SLC22A25: variants seen among roughly 807,000 people sequenced by gnomAD.
SLC22A25 encodes MGI:2442751, MGI:2385316, MGI:3042283, MGI:3645714, MGI:3605624, MGI:2442750.
A neutral mutation model predicts 45.9 loss-of-function variants in SLC22A25; 44 were observed. The ratio of observed to expected loss-of-function variants is 0.96; its 90% confidence interval spans 0.75 to 1.23. SLC22A25 has a LOEUF of 1.23. SLC22A25 is among the 50% of genes most tolerant of loss of function. The pLI, the probability that SLC22A25 is intolerant of heterozygous loss-of-function variation, is 0.00. For missense variants in SLC22A25, 800 were observed against 666.4 expected (o/e 1.20, Z -2.21); for synonymous variants, 283 against 238.6 (o/e 1.19, Z -1.72).
intron 7 of SLC22A25, among the ~76,000 whole-genome samples, chr11:63,214,225 A>G (rs2089652763): frequency 6.6e-6 from 1 of 152,172 alleles, no homozygotes; most frequent in Non-Finnish European, 1.5e-5. Context: ...GTTTGTTAGG[A>G]GTATACAGTC....
chr11:63,194,104 A>C (rs1188913393), intron 7 of SLC22A25, among the ~76,000 whole-genome samples: 2 of 152,234 alleles, frequency 1.3e-5, no homozygotes, highest in Admixed American at 1.3e-4. Flanking sequence ...TGAGAAGAGA[A>C]GTTTAGAGAA....
chr11:63,210,425 G>A (rs1216831970), intron 7 of SLC22A25, among the ~76,000 whole-genome samples: 1 of 152,166 alleles, frequency 6.6e-6, no homozygotes, highest in African/African-American at 2.4e-5. Context: ...AGGAGAGGAA[G>A]GCCAGTCTTG....
At chr11:63,202,876 C>A (rs2089290363) in intron 7 of SLC22A25, among the ~76,000 whole-genome samples, 1 of 152,242 alleles carries the variant, frequency 6.6e-6, no homozygotes, top group Admixed American at 6.5e-5. Flanking sequence ...CACTTCCCAG[C>A]AGGGGTTGAC....
intron 1 of SLC22A25, among the ~76,000 whole-genome samples, chr11:63,240,239 A>G (rs1014006344): frequency 6.6e-6 from 1 of 152,208 alleles, no homozygotes; most frequent in African/African-American, 2.4e-5. Flanking sequence ...TTTGCCAAGC[A>G]TGGATCTTGC....
At chr11:63,172,770 G>A (rs1429962058) in intron 9 of SLC22A25, among the ~76,000 whole-genome samples, 1 of 151,770 alleles carries the variant, frequency 6.6e-6, no homozygotes, top group East Asian at 1.9e-4. Flanking sequence ...ACTGTTGGTG[G>A]GAGTGTAAAT....
At position 63,163,734 on chromosome 11, in the gene SLC22A25, A is replaced by AAAGT. The variant is rs1418628740; in HGVS notation, c.*89_*90insACTT. 2 of 1,508,762 alleles carry AAAGT rather than the reference A, an allele frequency of 1.3e-6. No individual in the cohort carries two copies. The highest frequency in any genetic ancestry group is 1.8e-6 in the Non-Finnish European group (2 of 1,128,444). 93.5% of individuals were successfully genotyped at this position (1,508,762 alleles called of 1,614,324 possible). On this transcript the variant is annotated 3_prime_UTR_variant, in exon 12 of 12. Coordinates refer to ENST00000306494, the MANE Select transcript of SLC22A25 (RefSeq NM_199352.6). ...GAAGGGATGAGGATACACCAAAGGC[A>AAAGT]AAGGCACTGACTACATGGGAATAGC... is the stretch of plus-strand genomic sequence containing the variant.
chr11:63,186,536 C>T (rs2088556030), intron 7 of SLC22A25, among the ~76,000 whole-genome samples: 1 of 151,962 alleles, frequency 6.6e-6, no homozygotes, highest in African/African-American at 2.4e-5. Context: ...TGTGCAGAAG[C>T]TCTTTAGTTT....
rs2089752381 is a variant in SLC22A25, at chr11:63,217,689, T to C, written c.553A>G (p.Ile185Val). ...VLRWSYLQLA[I>V]VGTCAAFAPT... The stretch of plus-strand genomic sequence containing the variant: ...GCAAAGGCCGCACAGGTGCCTACAA[T>C]GGCGAGCTGGAGGTAAGACCATCTG... Residue 185 changes from isoleucine to valine, a missense_variant, in exon 6 of 12, where the codon ATT becomes GTT. Ile to Val is a conservative substitution (Grantham distance 29). Transcript: ENST00000306494. 7 of 1,613,802 alleles carry C rather than the reference T, an allele frequency of 4.3e-6. No homozygotes were observed. Among genetic ancestry groups the C allele is most frequent in the Non-Finnish European group, 5.9e-6 (7 of 1,179,944 alleles).
chr11:63,220,303 G>C (rs564229177), intron 5 of SLC22A25, among the ~76,000 whole-genome samples: 1 of 152,278 alleles, frequency 6.6e-6, no homozygotes, highest in South Asian at 2.1e-4. Context: ...CCAGGCACAA[G>C]CCATCAGCAC....
chr11:63,212,956 G>A (rs1002465489), intron 7 of SLC22A25, among the ~76,000 whole-genome samples: 2 of 152,188 alleles, frequency 1.3e-5, no homozygotes, highest in African/African-American at 2.4e-5. Flanking sequence ...AAGGAATAGA[G>A]AGGCTTCTTC....
intron 7 of SLC22A25, among the ~76,000 whole-genome samples, chr11:63,196,652 C>A (rs1487257427): frequency 1.3e-5 from 2 of 152,146 alleles, no homozygotes. Context: ...CAATATCATA[C>A]TGAATGGGCA....
chr11:63,229,641 C>G lies in SLC22A25; in HGVS notation c.12G>C (p.Gln4His). ...GGCCTCCAACTTGATCTAGGAGGTC[C>G]TGAAAGGCCATTGAGGCTGGACAAG... MAFQDLLDQVGGLG... is the reference protein window; with the variant it reads MAFHDLLDQVGGLG... The change falls in exon 4 of 12, where the codon CAG becomes CAC. Residue 4 changes from glutamine (Q) to histidine (H), a missense_variant. By Grantham distance (24) the Gln-to-His change is conservative. Coordinates refer to ENST00000306494, the MANE Select transcript of SLC22A25 (RefSeq NM_199352.6). 1.2e-6 allele frequency: 2 copies of G among 1,601,212 alleles called. No individual in the cohort carries two copies. Among genetic ancestry groups the G allele is most frequent in the Non-Finnish European group, 1.7e-6 (2 of 1,169,274 alleles).
intron 5 of SLC22A25, among the ~76,000 whole-genome samples, chr11:63,222,123 G>A (rs1028765950): frequency 3.3e-5 from 5 of 152,024 alleles, no homozygotes; most frequent in African/African-American, 1.2e-4. Context: ...GTCTTTTGTG[G>A]TTTCATATAT....
chr11:63,214,406 A>T (rs192858170), intron 7 of SLC22A25, among the ~76,000 whole-genome samples: 1 of 152,356 alleles, frequency 6.6e-6, no homozygotes, highest in East Asian at 1.9e-4. Context: ...TGGAACAGGA[A>T]TTAAAAGAAA....
chr11:63,228,426 AC>A, intron 5 of SLC22A25, 34 bp downstream of exon 5: 1 of 1,428,846 alleles, frequency 7.0e-7, no homozygotes, highest in East Asian at 2.3e-5. Flanking sequence ...TGATGAAAAT[AC>A]CCTTGAAGAG....
intron 7 of SLC22A25, among the ~76,000 whole-genome samples, chr11:63,189,050 T>C (rs2088683765): frequency 6.6e-6 from 1 of 152,228 alleles, no homozygotes; most frequent in South Asian, 2.1e-4. Context: ...GTTCTGTAGA[T>C]GTCTATTAGG....
chr11:63,193,773 C>T (rs938839241), intron 7 of SLC22A25, among the ~76,000 whole-genome samples: 1 of 152,194 alleles, frequency 6.6e-6, no homozygotes, highest in African/African-American at 2.4e-5. Context: ...AGGACTGCAG[C>T]TCCCTGCCAG....
chr11:63,189,859 G>C (rs911845761), intron 7 of SLC22A25, among the ~76,000 whole-genome samples: 1 of 152,052 alleles, frequency 6.6e-6, no homozygotes, highest in Non-Finnish European at 1.5e-5. Context: ...CTTTAAGAAC[G>C]TTGAATATTG....
intron 7 of SLC22A25, among the ~76,000 whole-genome samples, chr11:63,184,554 G>T (rs1203896115): frequency 6.6e-6 from 1 of 152,116 alleles, no homozygotes; most frequent in Non-Finnish European, 1.5e-5. Flanking sequence ...AGAGAGCACA[G>T]GACAAGATGT....
Sources: allele counts gnomAD v4.1 joint callset (sites outside exome capture counted in the v4.1 genomes callset), GRCh38; gene constraint gnomAD v4.1.1; transcripts MANE v1.5; gene names NCBI Gene and HGNC (gene_info 2026-07-23, HGNC 2026-07-21).